The following EXOC4 variants were observed in gnomAD, a reference collection of about 807,000 sequenced individuals.
EXOC4 encodes the protein exocyst complex component 4, also known as SEC8-like 1.
A neutral mutation model predicts 107.2 loss-of-function variants in EXOC4; 71 were observed. The ratio of observed to expected loss-of-function variants is 0.66; its 90% confidence interval spans 0.55 to 0.81. The LOEUF is 0.81. EXOC4 is among the 30% of genes least tolerant of loss of function. The pLI is 0.00. For missense variants in EXOC4, 1,108 were observed against 1,189.6 expected, an observed-to-expected ratio of 0.93 and a Z score of 1.01; for synonymous variants, 456 against 441.2, an observed-to-expected ratio of 1.03 and a Z score of -0.42.
intron 9 of EXOC4, among the ~76,000 whole-genome samples, chr7:133,551,328 C>G (rs954808933): frequency 7.9e-5 from 12 of 151,940 alleles, no homozygotes; most frequent in African/African-American, 2.9e-4. Context: ...CTGCCACAAA[C>G]CTTACTATTG....
chr7:133,271,904 A>C lies in EXOC4; in HGVS notation c.87-3078A>C, dbSNP rs142750626. Among the ~76,000 whole-genome samples, 1,465 of 152,150 alleles carry C rather than the reference A, an allele frequency of 9.6e-3. 8 individuals carry two copies. Among genetic ancestry groups the C allele is most frequent in the Middle Eastern group, 0.027 (8 of 294 alleles). ...TGACATTAAGGAGGAATAAGGTGAC[A>C]ATCAGAGAGTTTAAACCTAATGCCC... On this transcript the variant is annotated intron_variant, in intron 1 of 17. Transcript: ENST00000253861.
At chr7:133,513,582 T>C (rs957727570) in intron 9 of EXOC4, among the ~76,000 whole-genome samples, 1 of 152,198 alleles carries the variant, frequency 6.6e-6, no homozygotes, top group African/African-American at 2.4e-5. Flanking sequence ...ATCCTGTCTT[T>C]TTGTGTTCTT....
intron 5 of EXOC4, among the ~76,000 whole-genome samples, chr7:133,328,080 C>G (rs571714644): frequency 6.6e-6 from 1 of 152,086 alleles, no homozygotes; most frequent in African/African-American, 2.4e-5. Flanking sequence ...GTCTAAGTCT[C>G]TTCCTAAGAA....
chr7:133,369,309 T>C (rs924661797), intron 6 of EXOC4, among the ~76,000 whole-genome samples: 17 of 151,792 alleles, frequency 1.1e-4, no homozygotes, highest in South Asian at 4.2e-4. Flanking sequence ...TTTAAAGGAG[T>C]GTACGTGCTG....
intron 12 of EXOC4, among the ~76,000 whole-genome samples, chr7:133,905,287 C>T (rs1799541400): frequency 6.6e-6 from 1 of 152,176 alleles, no homozygotes; most frequent in Admixed American, 6.5e-5. Context: ...GAGTACCTCA[C>T]TCTAGAGACA....
At chr7:134,064,235 C>A in intron 17 of EXOC4, 56 bp from the exon 18 acceptor site, 2 of 1,233,502 alleles carry the variant, frequency 1.6e-6, no homozygotes, top group South Asian at 1.9e-5. Context: ...TTTGTCCCCT[C>A]GAGACGACGT....
chr7:134,100,477 A>T, the EXOC4 span, among the ~76,000 whole-genome samples: 2 of 127,838 alleles, frequency 1.6e-5, 1 homozygote, highest in South Asian at 5.0e-4. Context: ...TTTAGAGATG[A>T]AAAGGAGAAC....
chr7:133,937,858 A>G, intron 13 of EXOC4, 33 bp from the exon 14 acceptor site: 3 of 1,611,674 alleles, frequency 1.9e-6, no homozygotes, highest in East Asian at 4.5e-5. Context: ...TCCATGCTGT[A>G]TATATGAAGT....
In EXOC4 at chr7:133,823,873, T is replaced by A. The variant is rs373449597; in HGVS notation, c.1734+6329T>A. Among the ~76,000 whole-genome samples the A allele has an allele frequency of 2.6e-3, 16 of 6,060 alleles. 1 individual carries two copies. Among genetic ancestry groups the A allele is most frequent in the African/African-American group, 8.7e-3 (5 of 572 alleles). The allele number at this position is 6,060 out of a possible 152,430, so 4.0% of individuals were successfully genotyped here. Reference sequence around the variant, plus strand: ...TATATATATATATATATATATATATTATATATATATATATATATATTTTAT... The same window carrying A: ...TATATATATATATATATATATATATAATATATATATATATATATATTTTAT... On this transcript the variant is annotated intron_variant, in intron 11 of 17. Coordinates refer to ENST00000253861, the MANE Select transcript of EXOC4 (RefSeq NM_021807.4).
intron 10 of EXOC4, among the ~76,000 whole-genome samples, chr7:133,656,286 C>T (rs1803293391): frequency 6.6e-6 from 1 of 152,074 alleles, no homozygotes; most frequent in South Asian, 2.1e-4. Context: ...ATAGAATATA[C>T]TGCTTTCTTT....
At chr7:133,598,025 AG>A (rs1167150823) in intron 9 of EXOC4, among the ~76,000 whole-genome samples, 1 of 152,068 alleles carries the variant, frequency 6.6e-6, no homozygotes, top group Non-Finnish European at 1.5e-5. Flanking sequence ...TCTCAAATAA[AG>A]AAAAAAAAAA....
chr7:134,055,181 A>C (rs1404853428), intron 17 of EXOC4, among the ~76,000 whole-genome samples: 1 of 152,208 alleles, frequency 6.6e-6, no homozygotes, highest in Non-Finnish European at 1.5e-5. Context: ...GTGTCTCAGC[A>C]AGGCAGAGAG....
chr7:134,051,671 C>CAA (rs71172425), intron 17 of EXOC4, among the ~76,000 whole-genome samples: 36 of 107,722 alleles, frequency 3.3e-4, no homozygotes, highest in South Asian at 3.2e-3. Flanking sequence ...GACTCCGTCT[C>CAA]AAAAAAAAAA....
In EXOC4 at chr7:133,305,935, T is replaced by C. The variant is rs759321937; in HGVS notation, c.530T>C (p.Leu177Pro). ...PLLQVEGLSD[L>P]RLELHSKKMN... ...CTCCAGGTGGAAGGACTGAGTGACC[T>C]TCGACTAGAGCTTCACAGCAAGAAG... Residue 177 changes from leucine (L) to proline (P), a missense_variant, in exon 4 of 18, where the codon CTT becomes CCT. Leu to Pro is a moderately conservative substitution (Grantham distance 98, BLOSUM62 -3). Transcript: ENST00000253861. 12 of 1,613,560 alleles carry C rather than the reference T, an allele frequency of 7.4e-6. No individual in the cohort carries two copies. The highest frequency in any genetic ancestry group is 9.3e-6 in the Non-Finnish European group (11 of 1,179,718).
intron 10 of EXOC4, among the ~76,000 whole-genome samples, chr7:133,633,674 CGCCACT>C (rs1466672480): frequency 6.9e-6 from 1 of 144,278 alleles, no homozygotes. Flanking sequence ...GCTGAGATCG[CGCCACT>C]GCACTCAAGC....
intron 12 of EXOC4, among the ~76,000 whole-genome samples, chr7:133,910,074 C>T (rs899111401): frequency 8.7e-6 from 1 of 114,666 alleles, no homozygotes; most frequent in African/African-American, 3.4e-5. Flanking sequence ...CAGGCATGTG[C>T]CACCACACTC....
intron 17 of EXOC4, among the ~76,000 whole-genome samples, chr7:134,035,013 TA>T (rs1795355218): frequency 6.6e-6 from 1 of 150,962 alleles, no homozygotes; most frequent in South Asian, 2.1e-4. Context: ...AAGAAGGAGA[TA>T]AAAAGGTTTT....
At chr7:133,895,373 A>C (rs1189442319) in intron 11 of EXOC4, among the ~76,000 whole-genome samples, 1 of 152,092 alleles carries the variant, frequency 6.6e-6, no homozygotes, top group Non-Finnish European at 1.5e-5. Context: ...ATGGAAATGC[A>C]GAAATCACCC....
downstream of EXOC4, among the ~76,000 whole-genome samples, chr7:134,068,372 G>C (rs7779980): frequency 0.78 from 118,318 of 152,056 alleles, 46,974 homozygotes; most frequent in African/African-American, 0.93. Context: ...GTGAATTAGT[G>C]TCACAGCATC....
Sources: allele counts gnomAD v4.1 joint callset (sites outside exome capture counted in the v4.1 genomes callset), GRCh38; gene constraint gnomAD v4.1.1; transcripts MANE v1.5; gene names NCBI Gene and HGNC (gene_info 2026-07-23, HGNC 2026-07-21).